The following KAZN variants were observed in gnomAD, a reference collection of about 807,000 sequenced individuals.
KAZN encodes the protein kazrin.
In KAZN, 40 loss-of-function variants were observed where a neutral mutation model predicts 87.4. The observed-to-expected ratio is 0.46, with a 90% CI of 0.36 to 0.60. The LOEUF (loss-of-function observed/expected upper bound fraction) is 0.60, where lower values mean the gene tolerates loss of function less well. Among genes scored for constraint, KAZN ranks in the 20% least tolerant of loss-of-function variants. The pLI, the probability that KAZN is intolerant of heterozygous loss-of-function variation, is 0.00. For synonymous variants in KAZN, 466 were observed against 458.3 expected, an observed-to-expected ratio of 1.02 and a Z score of -0.22; for missense variants, 898 against 1,073.9, an observed-to-expected ratio of 0.84 and a Z score of 2.29.
intron 1 of KAZN, among the ~76,000 whole-genome samples, chr1:13,936,155 G>C (rs552944595): frequency 1.6e-4 from 20 of 124,970 alleles, no homozygotes; most frequent in African/African-American, 5.7e-4. Context: ...GGGGTGCAAT[G>C]GTGCGATCTC....
chr1:14,775,340 T>A (rs965340328), intron 1 of KAZN, among the ~76,000 whole-genome samples: 2 of 152,258 alleles, frequency 1.3e-5, no homozygotes, highest in Non-Finnish European at 2.9e-5. Context: ...AAGGGTTTTA[T>A]GAGCATTCTG....
At chr1:15,006,327 T>C (rs2311975) in intron 2 of KAZN, among the ~76,000 whole-genome samples, 84,928 of 152,076 alleles carry the variant, frequency 0.56, 26,983 homozygotes, top group African/African-American at 0.89. Flanking sequence ...AGCCCTCTCC[T>C]ACCTGCAGAG....
intron 1 of KAZN, among the ~76,000 whole-genome samples, chr1:14,627,667 T>C (rs1218181548): frequency 6.6e-6 from 1 of 152,148 alleles, no homozygotes; most frequent in Non-Finnish European, 1.5e-5. Flanking sequence ...ATATGTTCAA[T>C]GACTCCCAGC....
At chr1:15,044,230 G>T (rs1673230687) in intron 4 of KAZN, 71 bp downstream of exon 4, 1 of 634,524 alleles carries the variant, frequency 1.6e-6, no homozygotes, top group Non-Finnish European at 2.3e-6. Flanking sequence ...GGGACGTCTG[G>T]CACCGACTCA....
intron 1 of KAZN, among the ~76,000 whole-genome samples, chr1:14,932,557 C>T (rs748182512): frequency 5.3e-5 from 8 of 152,102 alleles, no homozygotes; most frequent in Admixed American, 1.3e-4. Flanking sequence ...TAAAAGGCCC[C>T]ATGTGGCTAG....
At chr1:14,375,614 C>A (rs1006070468) in intron 2 of KAZN, among the ~76,000 whole-genome samples, 4 of 152,058 alleles carry the variant, frequency 2.6e-5, no homozygotes, top group Non-Finnish European at 5.9e-5. Flanking sequence ...AGGCTGGGCA[C>A]GGTGGCTCAC....
At position 15,056,080 on chromosome 1, in the gene KAZN, G is replaced by T. The variant is rs146582998; in HGVS notation, c.727-11G>T. 1.0e-3 allele frequency: 1,615 copies of T among 1,589,574 alleles called. 19 individuals carry two copies. In the African/African-American group the frequency reaches 0.019, roughly 19 times the overall value. The stretch of plus-strand genomic sequence containing the variant: ...CATGACTTCTTCTTCCTGTCTTCTT[G>T]CTCTCTCCAGGCCAAACAGTCCTTA... On this transcript the variant is annotated splice_polypyrimidine_tract_variant and intron_variant, in intron 4 of 14. Coordinates refer to ENST00000376030, the MANE Select transcript of KAZN (RefSeq NM_201628.3). The surrounding 1 kb of genome is among the most constrained non-coding windows in gnomAD (Gnocchi z 5.4).
chr1:14,102,893 C>G (rs1282448595), intron 1 of KAZN, among the ~76,000 whole-genome samples: 1 of 151,024 alleles, frequency 6.6e-6, no homozygotes, highest in African/African-American at 2.4e-5. Flanking sequence ...CCTCTGTACA[C>G]ATTTGAATAC....
At chr1:14,281,309 A>G (rs746367802) in intron 2 of KAZN, among the ~76,000 whole-genome samples, 3 of 152,178 alleles carry the variant, frequency 2.0e-5, no homozygotes, top group Non-Finnish European at 4.4e-5. Context: ...AGGTGCACAT[A>G]TGTATTTGTT....
intron 2 of KAZN, among the ~76,000 whole-genome samples, chr1:14,345,119 T>C (rs1571349655): frequency 1.3e-5 from 2 of 152,110 alleles, no homozygotes; most frequent in African/African-American, 4.8e-5. Flanking sequence ...GTGTTTACCA[T>C]GTTGGCCAGG....
chr1:13,908,854 C>A (rs569753735), intron 1 of KAZN, among the ~76,000 whole-genome samples: 6 of 152,168 alleles, frequency 3.9e-5, no homozygotes, highest in Non-Finnish European at 8.8e-5. Flanking sequence ...CAAGTAGCAT[C>A]ATGGCAGAGC....
intron 1 of KAZN, among the ~76,000 whole-genome samples, chr1:14,883,343 A>AGGGAGGG (rs375634372): frequency 3.0e-5 from 1 of 33,310 alleles, no homozygotes; most frequent in African/African-American, 7.8e-5. Context: ...AGAGAGAGAG[A>AGGGAGGG]AAGAAAGAAA....
intron 1 of KAZN, among the ~76,000 whole-genome samples, chr1:14,838,625 T>G (rs1395459902): frequency 1.3e-5 from 2 of 152,150 alleles, no homozygotes; most frequent in Non-Finnish European, 2.9e-5. Context: ...TCTTTTTGTT[T>G]GTGAGGGGAA....
At chr1:14,886,029 C>G (rs1386988046) in intron 1 of KAZN, among the ~76,000 whole-genome samples, 2 of 152,198 alleles carry the variant, frequency 1.3e-5, no homozygotes, top group African/African-American at 4.8e-5. Context: ...CGCCCCACCC[C>G]ACAACACCTG....
At chr1:14,182,327 G>C (rs1268222747) in intron 2 of KAZN, among the ~76,000 whole-genome samples, 1 of 152,116 alleles carries the variant, frequency 6.6e-6, no homozygotes, top group Non-Finnish European at 1.5e-5. Context: ...GTCTACCTGG[G>C]TCAGGTAGAA....
intron 2 of KAZN, among the ~76,000 whole-genome samples, chr1:14,211,097 GTTCTA>G (rs1174995647): frequency 2.0e-5 from 3 of 152,154 alleles, no homozygotes; most frequent in Admixed American, 6.5e-5. Context: ...GTTTTATGGT[GTTCTA>G]TTCTAAGTGT....
intron 2 of KAZN, among the ~76,000 whole-genome samples, chr1:14,311,759 T>A (rs998269672): frequency 6.6e-6 from 1 of 151,980 alleles, no homozygotes; most frequent in Non-Finnish European, 1.5e-5. Flanking sequence ...AATGGATAAA[T>A]GGATGGGTGG....
intron 2 of KAZN, among the ~76,000 whole-genome samples, chr1:14,584,792 G>GCAC (rs1002497507): frequency 2.6e-5 from 4 of 152,098 alleles, no homozygotes; most frequent in African/African-American, 9.7e-5. Flanking sequence ...TTACAGGCAT[G>GCAC]CACCACCACG....
intron 1 of KAZN, among the ~76,000 whole-genome samples, chr1:14,754,723 A>G (rs1206135468): frequency 6.6e-6 from 1 of 152,148 alleles, no homozygotes; most frequent in Non-Finnish European, 1.5e-5. Flanking sequence ...GCTTCCTAAC[A>G]TGGGAAAATG....
Sources: gnomAD v4.1 joint callset for allele counts (sites outside exome capture counted in the v4.1 genomes callset) on GRCh38, gnomAD v4.1.1 for gene constraint, Gnocchi (gnomAD v3.1) non-coding constraint, MANE v1.5 for transcripts, NCBI Gene and HGNC (gene_info 2026-07-23, HGNC 2026-07-21) for gene names.